ERC2: variants seen among roughly 807,000 people sequenced by gnomAD.
The protein encoded by ERC2 is ELKS/RAB6-interacting/CAST family member 2, also known as ERC protein 2.
A neutral mutation model predicts 114.8 loss-of-function variants in ERC2; 42 were observed. The observed-to-expected ratio is 0.37, with a 90% confidence interval of 0.29 to 0.47. The LOEUF is 0.47. Ranked by LOEUF, ERC2 falls within the 20% of genes least tolerant of loss-of-function variation. The probability of loss-of-function intolerance (pLI) is 0.99; values close to 1 mark genes in which losing one functional copy is unlikely to be tolerated. For missense variants in ERC2, 939 were observed against 1,150.7 expected, an observed-to-expected ratio of 0.82 and a Z score of 2.66; for synonymous variants, 454 against 425.5, an observed-to-expected ratio of 1.07 and a Z score of -0.82.
intron 3 of ERC2, among the ~76,000 whole-genome samples, chr3:56,276,579 A>G (rs970047672): frequency 6.6e-6 from 1 of 152,182 alleles, no homozygotes; most frequent in Non-Finnish European, 1.5e-5. Flanking sequence ...TGTGGTGTTA[A>G]GAATCTTTAA....
At chr3:55,604,429 A>C (rs748968494) in intron 17 of ERC2, among the ~76,000 whole-genome samples, 6 of 152,206 alleles carry the variant, frequency 3.9e-5, no homozygotes, top group Non-Finnish European at 7.3e-5. Flanking sequence ...AAAATACTTC[A>C]GTGTCCAAGT....
chr3:56,004,914 A>G (rs1257614883), intron 10 of ERC2, among the ~76,000 whole-genome samples: 1 of 152,032 alleles, frequency 6.6e-6, no homozygotes, highest in Non-Finnish European at 1.5e-5. Flanking sequence ...ATGTGTTTAT[A>G]TGTATATTCA....
chr3:55,854,742 G>A (rs1422241039), intron 14 of ERC2, among the ~76,000 whole-genome samples: 2 of 152,156 alleles, frequency 1.3e-5, no homozygotes, highest in Non-Finnish European at 2.9e-5. Flanking sequence ...TACATGTCAT[G>A]TCCTGTTTGT....
rs138013914 is a variant in ERC2 at position 56,092,837 on chromosome 3, C to G, written c.1474-11853G>C. Among the ~76,000 whole-genome samples, 335 of 152,202 alleles carry G rather than the reference C, an allele frequency of 2.2e-3. 1 individual carries two copies. The highest frequency in any genetic ancestry group is 3.8e-3 in the Non-Finnish European group (259 of 67,988). On this transcript the variant is annotated intron_variant, in intron 6 of 17. Coordinates refer to ENST00000288221, the MANE Select transcript of ERC2 (RefSeq NM_015576.3). ...ATGTGTCATTCATATTGTGCTTTCC[C>G]TTCAGGTAAGCACATTAAATGTAAG...
intron 14 of ERC2, among the ~76,000 whole-genome samples, chr3:55,845,090 G>A (rs377609243): frequency 1.3e-5 from 2 of 152,164 alleles, no homozygotes; most frequent in South Asian, 2.1e-4. Flanking sequence ...GATAGGAGGC[G>A]GAGCTCAGGC....
chr3:56,014,345 C>T (rs990791690), intron 8 of ERC2, among the ~76,000 whole-genome samples: 9 of 152,156 alleles, frequency 5.9e-5, no homozygotes, highest in African/African-American at 2.2e-4. Flanking sequence ...TTCTCAACTC[C>T]TCATCTGTTG....
intron 7 of ERC2, among the ~76,000 whole-genome samples, chr3:56,041,334 G>T (rs2075181013): frequency 6.6e-6 from 1 of 152,244 alleles, no homozygotes; most frequent in South Asian, 2.1e-4. Context: ...ATCACTGCTA[G>T]GGGCAGAGAG....
intron 14 of ERC2, among the ~76,000 whole-genome samples, chr3:55,836,799 C>T (rs1274549448): frequency 2.6e-5 from 4 of 152,106 alleles, no homozygotes; most frequent in African/African-American, 4.8e-5. Flanking sequence ...AAAGAAACTA[C>T]GATGAGAGTG....
chr3:56,090,109 A>G (rs1380546905), intron 6 of ERC2, among the ~76,000 whole-genome samples: 1 of 152,232 alleles, frequency 6.6e-6, no homozygotes, highest in Non-Finnish European at 1.5e-5. Context: ...TGATGAAATA[A>G]GAACTCAGAA....
chr3:56,093,863 A>G (rs929158398), intron 6 of ERC2, among the ~76,000 whole-genome samples: 2 of 152,194 alleles, frequency 1.3e-5, no homozygotes, highest in African/African-American at 2.4e-5. Context: ...CTACTCTAAA[A>G]TAAACAGTAT....
intron 3 of ERC2, among the ~76,000 whole-genome samples, chr3:56,192,492 C>T (rs1240894857): frequency 1.3e-5 from 2 of 152,130 alleles, no homozygotes; most frequent in Non-Finnish European, 1.5e-5. Context: ...TACATCAATC[C>T]TCTGTGGGGC....
At position 55,856,755 on chromosome 3, in the gene ERC2, C is replaced by T. The variant is rs116438182; in HGVS notation, c.2564+31634G>A. Among the ~76,000 whole-genome samples, 585 of 152,012 alleles carry T rather than the reference C, an allele frequency of 3.8e-3. 4 individuals are homozygous for T. Among genetic ancestry groups the T allele is most frequent in the African/African-American group, 0.012 (506 of 41,422 alleles). On this transcript the variant is annotated intron_variant, in intron 14 of 17. Transcript: ENST00000288221. The stretch of plus-strand genomic sequence containing the variant: ...AGTATTATTCATAATAGCTAAAGAG[C>T]GGAAAAAATCCAAATGCCCATCAGC...
At chr3:56,076,962 C>T (rs928439197) in intron 7 of ERC2, among the ~76,000 whole-genome samples, 9 of 152,078 alleles carry the variant, frequency 5.9e-5, no homozygotes, top group African/African-American at 1.7e-4. Flanking sequence ...AACAGGGTTG[C>T]GAAAGAGTCT....
intron 3 of ERC2, among the ~76,000 whole-genome samples, chr3:56,189,155 A>G (rs2083826103): frequency 6.6e-6 from 1 of 152,186 alleles, no homozygotes; most frequent in African/African-American, 2.4e-5. Flanking sequence ...TCATTCTCCA[A>G]AGATCCGTCA....
chr3:56,451,544 G>T (rs2062829128), intron 1 of ERC2, among the ~76,000 whole-genome samples: 1 of 152,148 alleles, frequency 6.6e-6, no homozygotes, highest in African/African-American at 2.4e-5. Context: ...CACATTGGAG[G>T]CTTTAACAAG....
At chr3:56,429,706 G>C (rs1053610310) in intron 2 of ERC2, among the ~76,000 whole-genome samples, 4 of 152,220 alleles carry the variant, frequency 2.6e-5, no homozygotes, top group Non-Finnish European at 5.9e-5. Flanking sequence ...GTAGGGCCTT[G>C]GAGGGAACTG....
At chr3:55,910,544 G>A (rs553322731) in intron 13 of ERC2, among the ~76,000 whole-genome samples, 75 of 152,258 alleles carry the variant, frequency 4.9e-4, no homozygotes, top group African/African-American at 1.7e-3. Context: ...TATTCTAGGG[G>A]TTTCCCTAAG....
intron 3 of ERC2, among the ~76,000 whole-genome samples, chr3:56,240,234 AT>A (rs2051236676): frequency 6.6e-6 from 1 of 152,222 alleles, no homozygotes; most frequent in Non-Finnish European, 1.5e-5. Flanking sequence ...TATCTCTGAA[AT>A]TTCAATCCAC....
chr3:56,260,255 A>G (rs2052825021), intron 3 of ERC2, among the ~76,000 whole-genome samples: 1 of 152,158 alleles, frequency 6.6e-6, no homozygotes, highest in Non-Finnish European at 1.5e-5. Context: ...TCCTCCCCGT[A>G]AGTCCTGGGA....
Sources: gnomAD v4.1 joint callset for allele counts (sites outside exome capture counted in the v4.1 genomes callset) on GRCh38, gnomAD v4.1.1 for gene constraint, MANE v1.5 for transcripts, NCBI Gene and HGNC (gene_info 2026-07-23, HGNC 2026-07-21) for gene names.